The following PXDNL variants were observed in gnomAD, a reference collection of about 807,000 sequenced individuals.
PXDNL encodes the protein probable oxidoreductase PXDNL.
Under a neutral mutation model 150.8 loss-of-function variants are expected in PXDNL, and 145 were observed. The observed-to-expected ratio is 0.96, with a 90% CI of 0.84 to 1.10. PXDNL has a LOEUF of 1.10. PXDNL is among the 50% of genes least tolerant of loss of function. The pLI is 0.00. For missense variants in PXDNL, 2,087 were observed against 1,873.9 expected, an observed-to-expected ratio of 1.11 and a Z score of -2.10; for synonymous variants, 757 against 725.7, an observed-to-expected ratio of 1.04 and a Z score of -0.69.
intron 1 of PXDNL, among the ~76,000 whole-genome samples, chr8:51,755,461 A>G (rs2130984958): frequency 6.6e-6 from 1 of 151,932 alleles, no homozygotes; most frequent in East Asian, 1.9e-4. Context: ...CACTCGACTA[A>G]TTTTTGTATT....
intron 1 of PXDNL, among the ~76,000 whole-genome samples, chr8:51,720,215 T>C (rs1389883318): frequency 6.6e-6 from 1 of 151,664 alleles, no homozygotes; most frequent in African/African-American, 2.4e-5. Flanking sequence ...TCAGACTTCC[T>C]AAGTTTGGGG....
At chr8:51,529,370 C>A (rs1777169337) in intron 4 of PXDNL, among the ~76,000 whole-genome samples, 1 of 152,192 alleles carries the variant, frequency 6.6e-6, no homozygotes, top group South Asian at 2.1e-4. Flanking sequence ...TCAAATGCTG[C>A]TTCCACCATC....
At chr8:51,602,106 A>AT (rs71550274) in intron 2 of PXDNL, among the ~76,000 whole-genome samples, 63 of 148,952 alleles carry the variant, frequency 4.2e-4, no homozygotes, top group African/African-American at 1.0e-3. Flanking sequence ...TTTGTATGTG[A>AT]TTTTTTTTTT....
At chr8:51,755,491 G>T (rs1024872825) in intron 1 of PXDNL, among the ~76,000 whole-genome samples, 4 of 151,878 alleles carry the variant, frequency 2.6e-5, no homozygotes, top group African/African-American at 9.7e-5. Flanking sequence ...GATGGATTTT[G>T]CCATGTTGCA....
chr8:51,486,505 C>G (rs1012155752), intron 5 of PXDNL, among the ~76,000 whole-genome samples: 43 of 151,782 alleles, frequency 2.8e-4, no homozygotes, highest in African/African-American at 1.0e-3. Context: ...TGGTTATCTC[C>G]TAGAATACTA....
intron 12 of PXDNL, among the ~76,000 whole-genome samples, chr8:51,438,437 T>C (rs923013451): frequency 3.3e-5 from 5 of 152,004 alleles, no homozygotes; most frequent in African/African-American, 1.2e-4. Context: ...TAGTCACCAA[T>C]AAAGCATGGA....
chr8:51,635,330 G>C (rs1437420432), intron 2 of PXDNL, among the ~76,000 whole-genome samples: 1 of 151,902 alleles, frequency 6.6e-6, no homozygotes, highest in Non-Finnish European at 1.5e-5. Context: ...GTTAGAAACA[G>C]AAAAGCAAGC....
intron 17 of PXDNL, among the ~76,000 whole-genome samples, chr8:51,387,646 A>G (rs1226517435): frequency 6.6e-6 from 1 of 152,216 alleles, no homozygotes; most frequent in Non-Finnish European, 1.5e-5. Context: ...TAGATATAAT[A>G]CATATTTATG....
At chr8:51,660,135 C>T (rs536822890) in intron 1 of PXDNL, among the ~76,000 whole-genome samples, 13 of 152,124 alleles carry the variant, frequency 8.5e-5, no homozygotes, top group South Asian at 2.1e-4. Context: ...GGTGATCCGC[C>T]CACCTAGGCC....
intron 1 of PXDNL, among the ~76,000 whole-genome samples, chr8:51,694,695 A>G (rs1456435083): frequency 2.0e-5 from 3 of 152,218 alleles, no homozygotes; most frequent in African/African-American, 7.2e-5. Context: ...CAAACAAAGC[A>G]TTAACCTCTC....
intron 1 of PXDNL, among the ~76,000 whole-genome samples, chr8:51,666,441 G>A (rs1815387523): frequency 6.6e-6 from 1 of 151,978 alleles, no homozygotes; most frequent in African/African-American, 2.4e-5. Flanking sequence ...TCTATACTTA[G>A]GGAGATACAT....
chr8:51,780,654 C>CTTTTTTTTTTTTTTTTTTTTTTTTTT (rs71237240), intron 1 of PXDNL, among the ~76,000 whole-genome samples: 9 of 75,182 alleles, frequency 1.2e-4, no homozygotes, highest in Non-Finnish European at 1.3e-4. Flanking sequence ...CTTTTCTTTT[C>CTTTTTTTTTTTTTTTTTTTTTTTTTT]TTTTTTTTTT....
At position 51,408,320 on chromosome 8, in the gene PXDNL, G is replaced by A. The variant is rs1808496695; in HGVS notation, c.3304C>T (p.Arg1102Trp). ...TTAGCAGCCACGCCAAACAGCCCCCGGAGAACCGGGTCTATCCCACCTTCC... is the reference window on the plus strand; with the variant it reads ...TTAGCAGCCACGCCAAACAGCCCCCAGAGAACCGGGTCTATCCCACCTTCC... ...IKEGGIDPVL[R>W]GLFGVAAKWR... The change falls in exon 17 of 23, where the codon CGG becomes TGG. Residue 1102 changes from arginine (R) to tryptophan (W), a missense_variant. Coordinates refer to ENST00000356297, the MANE Select transcript of PXDNL (RefSeq NM_144651.5). 2.5e-6 allele frequency: 4 copies of A among 1,613,982 alleles called. No individual in the cohort carries two copies. Among genetic ancestry groups the A allele is most frequent in the Non-Finnish European group, 2.5e-6 (3 of 1,179,884 alleles).
At chr8:51,802,321 T>C (rs895870669) in intron 1 of PXDNL, among the ~76,000 whole-genome samples, 3 of 152,140 alleles carry the variant, frequency 2.0e-5, no homozygotes, top group African/African-American at 7.2e-5. Context: ...CAAAACAACA[T>C]GGATTTTAAA....
chr8:51,440,494 A>T (rs879592537), intron 12 of PXDNL, among the ~76,000 whole-genome samples: 1 of 152,068 alleles, frequency 6.6e-6, no homozygotes, highest in Non-Finnish European at 1.5e-5. Flanking sequence ...ACCTTTGGGG[A>T]TATTACCAGT....
At chr8:51,696,275 T>C (rs183991532) in intron 1 of PXDNL, among the ~76,000 whole-genome samples, 25 of 152,308 alleles carry the variant, frequency 1.6e-4, no homozygotes, top group Admixed American at 7.2e-4. Context: ...GAAGTCATAA[T>C]GGTGGAGCCC....
chr8:51,770,440 C>T (rs1017340308), intron 1 of PXDNL, among the ~76,000 whole-genome samples: 5 of 152,196 alleles, frequency 3.3e-5, no homozygotes, highest in Admixed American at 6.5e-5. Flanking sequence ...AGCATGGGGA[C>T]GGAGGTGTCC....
chr8:51,677,099 C>G (rs1378730737), intron 1 of PXDNL, among the ~76,000 whole-genome samples: 1 of 152,174 alleles, frequency 6.6e-6, no homozygotes, highest in Non-Finnish European at 1.5e-5. Flanking sequence ...AAGATGAAAG[C>G]CTACTGCTTT....
intron 19 of PXDNL, among the ~76,000 whole-genome samples, chr8:51,367,239 G>A (rs1470176108): frequency 6.6e-6 from 1 of 151,860 alleles, no homozygotes; most frequent in Non-Finnish European, 1.5e-5. Context: ...CACAGCATTT[G>A]CAGAGAGCTC....
Sources: allele counts gnomAD v4.1 joint callset (sites outside exome capture counted in the v4.1 genomes callset), GRCh38; gene constraint gnomAD v4.1.1; transcripts MANE v1.5; gene names NCBI Gene and HGNC (gene_info 2026-07-23, HGNC 2026-07-21).